The following ZFHX3 variants were observed in gnomAD, a reference collection of about 807,000 sequenced individuals.
ZFHX3 encodes the protein zinc finger homeobox protein 3.
ZFHX3 carries 42 observed loss-of-function variants against 279.1 expected under a neutral mutation model. That is an observed-to-expected ratio of 0.15 (90% CI 0.12 to 0.19). ZFHX3 has a LOEUF of 0.19. ZFHX3 is among the 10% of genes least tolerant of loss of function. The pLI is 1.00. For missense variants in ZFHX3, 4,981 were observed against 4,754.0 expected (o/e 1.05, Z -1.40); for synonymous variants, 2,293 against 1,957.8 (o/e 1.17, Z -4.52).
At chr16:73,398,836 T>C (rs903668412) in intron 3 of ZFHX3, among the ~76,000 whole-genome samples, 16 of 75,786 alleles carry the variant, frequency 2.1e-4, no homozygotes, top group Admixed American at 1.0e-3. Flanking sequence ...CCAGCACAAG[T>C]ACACTTATAA....
intron 3 of ZFHX3, among the ~76,000 whole-genome samples, chr16:73,440,138 T>C (rs1249527273): frequency 6.6e-6 from 1 of 152,172 alleles, no homozygotes; most frequent in Non-Finnish European, 1.5e-5. Flanking sequence ...CCAAACTGCC[T>C]GGCAGCACCC....
In ZFHX3 at chr16:73,620,646, A is replaced by T. The variant is rs1192532687; in HGVS notation, c.-1547+59534T>A. Among the ~76,000 whole-genome samples, 3 of 152,212 alleles carry T rather than the reference A, an allele frequency of 2.0e-5. No individual in the cohort carries two copies. The East Asian group carries it at 5.8e-4, about 29-fold the overall frequency. ...AATTTCATTCCCAAGTTCAGAATTG[A>T]TTCTTTTCCCCTAAGTGACGACAAT... is the stretch of plus-strand genomic sequence containing the variant. On this transcript the variant is annotated intron_variant, in intron 2 of 17. Coordinates refer to the ZFHX3 transcript ENST00000641206.
chr16:73,473,767 T>A (rs1206841133), intron 2 of ZFHX3, among the ~76,000 whole-genome samples: 4 of 152,232 alleles, frequency 2.6e-5, no homozygotes, highest in Admixed American at 2.6e-4. Context: ...GGTTTTCCCA[T>A]CTGTTTCTTT....
intron 1 of ZFHX3, among the ~76,000 whole-genome samples, chr16:73,828,077 T>A (rs746522476): frequency 0.018 from 899 of 51,136 alleles, 24 homozygotes; most frequent in Non-Finnish European, 0.023. Context: ...GCTTTATGAA[T>A]CTGGGTGCTC....
intron 2 of ZFHX3, among the ~76,000 whole-genome samples, chr16:73,646,476 G>A (rs996252220): frequency 6.6e-6 from 1 of 151,916 alleles, no homozygotes; most frequent in Non-Finnish European, 1.5e-5. Context: ...AAACAATAAT[G>A]ATAACTCCAG....
At chr16:73,649,662 C>G (rs971675561) in intron 2 of ZFHX3, among the ~76,000 whole-genome samples, 2 of 152,166 alleles carry the variant, frequency 1.3e-5, no homozygotes, top group Non-Finnish European at 2.9e-5. Context: ...ATCCAGTGCA[C>G]CGTGCTTCCT....
intron 5 of ZFHX3, among the ~76,000 whole-genome samples, chr16:73,170,620 T>A (rs1967499206): frequency 1.3e-5 from 2 of 152,282 alleles, no homozygotes; most frequent in South Asian, 4.1e-4. Flanking sequence ...AGTTGCTTGC[T>A]TTTTGCCCCC....
intron 1 of ZFHX3, among the ~76,000 whole-genome samples, chr16:73,889,223 G>C (rs1025705379): frequency 1.3e-5 from 2 of 152,220 alleles, no homozygotes; most frequent in Non-Finnish European, 2.9e-5. Flanking sequence ...TGGGAATAAG[G>C]ACACAGGTGC....
intron 3 of ZFHX3, among the ~76,000 whole-genome samples, chr16:72,949,696 G>A (rs1234682009): frequency 6.7e-6 from 1 of 150,110 alleles, no homozygotes; most frequent in Non-Finnish European, 1.5e-5. Flanking sequence ...AGCCCAGGAA[G>A]AAGAAGAAAA....
At chr16:73,701,101 G>A (rs1567555592) in intron 1 of ZFHX3, among the ~76,000 whole-genome samples, 1 of 152,152 alleles carries the variant, frequency 6.6e-6, no homozygotes, top group Non-Finnish European at 1.5e-5. Flanking sequence ...ACACCCAAGG[G>A]AGATGCAGAA....
At chr16:73,715,345 G>A (rs373876527) in intron 1 of ZFHX3, among the ~76,000 whole-genome samples, 12 of 152,182 alleles carry the variant, frequency 7.9e-5, no homozygotes, top group East Asian at 5.8e-4. Context: ...CCAGTTGACC[G>A]TCTCATTCAA....
chr16:73,485,447 A>T (rs992003623), intron 2 of ZFHX3, among the ~76,000 whole-genome samples: 1 of 151,760 alleles, frequency 6.6e-6, no homozygotes, highest in African/African-American at 2.4e-5. Flanking sequence ...AAAAAAAAAA[A>T]CTTTCTAGCA....
At chr16:72,798,895 A>G (rs1166656683) in intron 8 of ZFHX3, among the ~76,000 whole-genome samples, 181 bp from the exon 9 acceptor site, 1 of 152,226 alleles carries the variant, frequency 6.6e-6, no homozygotes, top group Non-Finnish European at 1.5e-5. Context: ...TTCCTCCAAT[A>G]GAGCACATAT....
At chr16:73,678,579 C>T (rs1597061544) in intron 2 of ZFHX3, among the ~76,000 whole-genome samples, 1 of 152,090 alleles carries the variant, frequency 6.6e-6, no homozygotes, top group Non-Finnish European at 1.5e-5. Flanking sequence ...TTCAAGTACA[C>T]TTATACAACA....
chr16:73,429,501 T>A (rs968054828), intron 3 of ZFHX3, among the ~76,000 whole-genome samples: 1 of 151,626 alleles, frequency 6.6e-6, no homozygotes, highest in African/African-American at 2.4e-5. Context: ...CCCGGCTGAT[T>A]TTTGGATTTT....
intron 1 of ZFHX3, among the ~76,000 whole-genome samples, chr16:73,793,193 A>C (rs1033140693): frequency 6.6e-6 from 1 of 152,218 alleles, no homozygotes; most frequent in African/African-American, 2.4e-5. Flanking sequence ...CAAACAAAAA[A>C]GGCATTCTTT....
intron 2 of ZFHX3, among the ~76,000 whole-genome samples, chr16:73,636,325 AC>A (rs2052526800): frequency 6.6e-6 from 1 of 152,218 alleles, no homozygotes; most frequent in African/African-American, 2.4e-5. Flanking sequence ...TAATGATGAA[AC>A]CCTGGCAACA....
In ZFHX3 at chr16:72,793,685, T is replaced by C. The variant is rs2143384492; in HGVS notation, c.8997A>G (p.Ala2999=). 1.2e-6 allele frequency: 2 copies of C among 1,614,076 alleles called. No individual in the cohort carries two copies. The highest frequency in any genetic ancestry group is 1.7e-6 in the Non-Finnish European group (2 of 1,180,014). ...TGCTTAACTTGGACTTCTTTTCTTT[T>C]GCCCGGGCATTCTGGAACCAGACCT... ...VVQVWFQNAR[A]KEKKSKLSMA... The change falls in exon 9 of 10, where the codon GCA becomes GCG. Residue 2999 remains alanine, a synonymous_variant. Transcript: ENST00000268489. The surrounding 1 kb of genome is among the most constrained non-coding windows in gnomAD (Gnocchi z 4.3).
chr16:73,052,933 G>C (rs549298081), upstream of ZFHX3, among the ~76,000 whole-genome samples: 1 of 152,158 alleles, frequency 6.6e-6, no homozygotes, highest in Non-Finnish European at 1.5e-5. Flanking sequence ...GGCCACGGAA[G>C]GGGGGAGAGG....
Sources: allele counts gnomAD v4.1 joint callset (sites outside exome capture counted in the v4.1 genomes callset), GRCh38; gene constraint gnomAD v4.1.1; non-coding constraint Gnocchi (gnomAD v3.1); transcripts MANE v1.5; gene names NCBI Gene and HGNC (gene_info 2026-07-23, HGNC 2026-07-21).